The following DPH7 variants were observed in gnomAD, a reference collection of about 807,000 sequenced individuals.
DPH7 encodes the protein diphthine methyltransferase.
In DPH7, 44 loss-of-function variants were observed where a neutral mutation model predicts 41.7. The ratio of observed to expected loss-of-function variants is 1.05; its 90% confidence interval spans 0.83 to 1.36. The LOEUF is 1.36. DPH7 is among the 40% of genes most tolerant of loss of function. The pLI is 0.00. For missense variants in DPH7, 629 were observed against 577.5 expected, an observed-to-expected ratio of 1.09 and a Z score of -0.91; for synonymous variants, 275 against 238.0, an observed-to-expected ratio of 1.16 and a Z score of -1.43.
chr9:137,555,186 C>T lies in DPH7; in HGVS notation c.*53G>A. 6.5e-7 allele frequency: 1 copy of T among 1,541,392 alleles called. No individual in the cohort carries two copies. Among genetic ancestry groups the T allele is most frequent in the East Asian group, 2.3e-5 (1 of 44,250 alleles). The stretch of plus-strand genomic sequence containing the variant: ...CTGATGAGGTGGTCCCGGGCACTCA[C>T]TCGCAGTCTCCCTCCTGGTTTCCTT... On this transcript the variant is annotated 3_prime_UTR_variant, in exon 9 of 9. Transcript: ENST00000277540.
In DPH7 at chr9:137,555,160, T is replaced by C. The variant is rs929286347; in HGVS notation, c.*79A>G. On this transcript the variant is annotated 3_prime_UTR_variant, in exon 9 of 9. Coordinates refer to ENST00000277540, the MANE Select transcript of DPH7 (RefSeq NM_138778.5). ...CACCTGCAGGGCTGCAGTAAGCATC[T>C]CTGATGAGGTGGTCCCGGGCACTCA... 6.7e-7 allele frequency: 1 copy of C among 1,490,182 alleles called. No individual in the cohort carries two copies. The highest frequency in any genetic ancestry group is 1.4e-5 in the African/African-American group (1 of 71,382). The allele number at this position is 1,490,182 out of a possible 1,614,324, so 92.3% of individuals were successfully genotyped here.
In DPH7 at chr9:137,555,481, A is replaced by G; in HGVS notation, c.1117T>C (p.Leu373=). 6.2e-7 allele frequency: 1 copy of G among 1,613,686 alleles called. No homozygotes were observed. Among genetic ancestry groups the G allele is most frequent in the Non-Finnish European group, 8.5e-7 (1 of 1,179,894 alleles). Residue 373 remains leucine, a synonymous_variant, in exon 9 of 9, where the codon TTG becomes CTG. Transcript: ENST00000277540. Reference sequence around the variant, plus strand: ...CTGCATTCATGACAGGGTGTTGGCAACTCGCTTGCACCCTTCAGGTCTGCC... The same window carrying G: ...CTGCATTCATGACAGGGTGTTGGCAGCTCGCTTGCACCCTTCAGGTCTGCC... The part of the protein sequence containing the change: ...KTADLKGASE[L]PTPCHECRED...
chr9:137,573,132 C>T (rs930749806), intron 5 of DPH7, among the ~76,000 whole-genome samples: 1 of 151,956 alleles, frequency 6.6e-6, no homozygotes, highest in Non-Finnish European at 1.5e-5. Context: ...GAGGCCGAGG[C>T]GAGTGGATCA....
intron 8 of DPH7, 33 bp from the exon 9 acceptor site, chr9:137,555,681 C>T (rs894797208): frequency 8.4e-6 from 13 of 1,548,880 alleles, no homozygotes; most frequent in Non-Finnish European, 1.1e-5. Flanking sequence ...CCAGGAAACA[C>T]AACATCACCC....
chr9:137,572,307 G>A (rs552879712), intron 5 of DPH7, among the ~76,000 whole-genome samples: 1 of 152,348 alleles, frequency 6.6e-6, no homozygotes, highest in South Asian at 2.1e-4. Flanking sequence ...GAGCATAGGA[G>A]CCAAAACAAG....
rs772966358 is a variant in DPH7 at position 137,557,809 on chromosome 9, ACT to A, written c.950-2163_950-2162del. 5.9e-5 allele frequency among the ~76,000 whole-genome samples: 9 copies of A among 151,518 alleles called. No homozygotes were observed. The East Asian group carries it at 1.7e-3, about 29-fold the overall frequency. On this transcript the variant is annotated intron_variant, in intron 8 of 8. Coordinates refer to ENST00000277540, the MANE Select transcript of DPH7 (RefSeq NM_138778.5). ...ACTCCAGCCTGGGCGACAGAGCAAG[ACT>A]CTGTCTCAAAAAAATACATAAATAA... is the stretch of plus-strand genomic sequence containing the variant.
chr9:137,555,767 T>C (rs916684364), intron 8 of DPH7, 119 bp from the exon 9 acceptor site: 69 of 1,174,036 alleles, frequency 5.9e-5, no homozygotes, highest in Non-Finnish European at 7.8e-5. Context: ...AAGTGTTTCC[T>C]GAGGAGCCGT....
intron 5 of DPH7, among the ~76,000 whole-genome samples, chr9:137,571,708 A>T (rs926503639): frequency 4.6e-5 from 7 of 152,056 alleles, no homozygotes; most frequent in Admixed American, 6.5e-5. Flanking sequence ...GAATCACTTG[A>T]ACCCAGGAGG....
At chr9:137,564,853 A>G (rs759390340) in intron 7 of DPH7, 40 bp downstream of exon 7, 6 of 1,570,628 alleles carry the variant, frequency 3.8e-6, no homozygotes, top group Admixed American at 1.9e-5. Flanking sequence ...GGGGACAGCG[A>G]AAGAGACGAG....
In DPH7 at chr9:137,573,664, C is replaced by G. The variant is rs183861515; in HGVS notation, c.640+544G>C. 9.2e-4 allele frequency among the ~76,000 whole-genome samples: 91 copies of G among 98,446 alleles called. 1 individual carries two copies. The East Asian group carries it at 0.027, about 29-fold the overall frequency. 64.6% of individuals were successfully genotyped at this position (98,446 alleles called of 152,430 possible). ...CATCACTGCACTCCAGCCTGGGCAACAGAGTGAGACTCTGTCTCAAAAAAA... is the reference window on the plus strand; with the variant it reads ...CATCACTGCACTCCAGCCTGGGCAAGAGAGTGAGACTCTGTCTCAAAAAAA... On this transcript the variant is annotated intron_variant, in intron 5 of 8. Transcript: ENST00000277540.
At chr9:137,574,065 A>T in intron 5 of DPH7, 143 bp downstream of exon 5, 1 of 694,732 alleles carries the variant, frequency 1.4e-6, no homozygotes, top group Non-Finnish European at 2.2e-6. Context: ...ACTCAGTTTC[A>T]AAAAAAAAAG....
chr9:137,578,407 C>G, intron 1 of DPH7: 1 of 459,464 alleles, frequency 2.2e-6, no homozygotes, highest in Non-Finnish European at 3.8e-6. Flanking sequence ...ACCTCGTGAT[C>G]CGTCCGCCTC....
chr9:137,571,409 T>C (rs1840410151), intron 5 of DPH7, among the ~76,000 whole-genome samples: 1 of 152,028 alleles, frequency 6.6e-6, no homozygotes, highest in Non-Finnish European at 1.5e-5. Context: ...ATGGTCTTGA[T>C]CTGCTGACCT....
At position 137,574,258 on chromosome 9, in the gene DPH7, T is replaced by A. The variant is rs538653751; in HGVS notation, c.590A>T (p.Glu197Val). Residue 197 changes from glutamate to valine, a missense_variant, in exon 5 of 9, where the codon GAG becomes GTG. Transcript: ENST00000277540. ...GTAATTGAAAGCAGCAATCCAGGCC[T>A]CGAATTGATGTGCCTGCCATGAGGC... is the stretch of plus-strand genomic sequence containing the variant. ...KVASWQAHQF[E>V]AWIAAFNYWH... 6 of 1,614,140 alleles carry A rather than the reference T, an allele frequency of 3.7e-6. No homozygotes were observed. In the South Asian group the frequency reaches 4.4e-5, roughly 12 times the overall value.
chr9:137,575,812 A>G, intron 3 of DPH7: 5 of 1,268,216 alleles, frequency 3.9e-6, no homozygotes, highest in Non-Finnish European at 5.0e-6. Flanking sequence ...GGCTCTCCTT[A>G]GAGAACTTTC....
chr9:137,564,718 G>A (rs1182384419), intron 7 of DPH7, 112 bp from the exon 8 acceptor site: 43 of 1,480,338 alleles, frequency 2.9e-5, no homozygotes, highest in Non-Finnish European at 3.4e-5. Flanking sequence ...TGCATCCCTC[G>A]AGGACAAAGT....
At chr9:137,575,571 G>A (rs1015903938) in intron 3 of DPH7, 6 of 995,008 alleles carry the variant, frequency 6.0e-6, no homozygotes, top group African/African-American at 1.7e-5. Flanking sequence ...GAGTGAGGGC[G>A]TGGTTTCAGG....
chr9:137,575,961 A>G (rs1841308168), intron 3 of DPH7, 119 bp downstream of exon 3: 2 of 1,544,914 alleles, frequency 1.3e-6, no homozygotes, highest in East Asian at 4.6e-5. Flanking sequence ...GAACGTTTAT[A>G]TATAGCTCAC....
chr9:137,558,823 C>G (rs1456190143), intron 8 of DPH7, among the ~76,000 whole-genome samples: 1 of 152,180 alleles, frequency 6.6e-6, no homozygotes, highest in Admixed American at 6.5e-5. Flanking sequence ...CAACCTCCGC[C>G]TCCCAGGTTC....
Sources: allele counts gnomAD v4.1 joint callset (sites outside exome capture counted in the v4.1 genomes callset), GRCh38; gene constraint gnomAD v4.1.1; transcripts MANE v1.5; gene names NCBI Gene and HGNC (gene_info 2026-07-23, HGNC 2026-07-21).